The following IPPK variants were observed in gnomAD, a reference collection of about 807,000 sequenced individuals.
IPPK encodes IPK1 homolog.
A neutral mutation model predicts 64.6 loss-of-function variants in IPPK; 22 were observed. That is an observed-to-expected ratio of 0.34 (90% confidence interval 0.24 to 0.49). The LOEUF is 0.49. Ranked by LOEUF, IPPK falls within the 20% of genes least tolerant of loss-of-function variation. The pLI is 0.99. For synonymous variants in IPPK, 262 were observed against 247.2 expected, an observed-to-expected ratio of 1.06 and a Z score of -0.56; for missense variants, 532 against 630.7, an observed-to-expected ratio of 0.84 and a Z score of 1.68.
intron 8 of IPPK, among the ~76,000 whole-genome samples, chr9:92,639,044 TA>T (rs945833719): frequency 1.7e-4 from 26 of 152,016 alleles, no homozygotes; most frequent in South Asian, 1.0e-3. Context: ...TATTTCTTTT[TA>T]AAAAAAAATT....
intron 11 of IPPK, among the ~76,000 whole-genome samples, chr9:92,632,109 G>A (rs561358525): frequency 2.6e-5 from 4 of 152,302 alleles, no homozygotes; most frequent in East Asian, 3.9e-4. Context: ...TGTCTGACCC[G>A]CTGGAGGTCA....
intron 2 of IPPK, 132 bp downstream of exon 2, chr9:92,658,502 C>G (rs112451856): frequency 2.6e-6 from 2 of 777,054 alleles, no homozygotes; most frequent in African/African-American, 3.5e-5. Context: ...GATGGACACA[C>G]CACTTTCTGC....
intron 9 of IPPK, among the ~76,000 whole-genome samples, chr9:92,637,460 C>T (rs765846987): frequency 1.3e-5 from 2 of 152,224 alleles, no homozygotes; most frequent in Non-Finnish European, 1.5e-5. Context: ...TCACGGGCAG[C>T]GTCAGCTCAT....
At chr9:92,656,848 A>T (rs552905902) in intron 2 of IPPK, among the ~76,000 whole-genome samples, 1 of 152,134 alleles carries the variant, frequency 6.6e-6, no homozygotes, top group Non-Finnish European at 1.5e-5. Flanking sequence ...GCCCCTACAC[A>T]TGCCTTCCAA....
chr9:92,663,990 G>A (rs1852541684), intron 1 of IPPK, among the ~76,000 whole-genome samples: 1 of 152,226 alleles, frequency 6.6e-6, no homozygotes, highest in Admixed American at 6.5e-5. Flanking sequence ...TGACTCCCAG[G>A]CAGGGGCCAT....
intron 3 of IPPK, among the ~76,000 whole-genome samples, chr9:92,653,502 C>A (rs546803903): frequency 2.5e-4 from 38 of 152,244 alleles, no homozygotes; most frequent in Non-Finnish European, 4.1e-4. Flanking sequence ...AAACTTAGTA[C>A]AGAATTAGGT....
chr9:92,616,999 C>T (rs2131411050), intron 12 of IPPK: 1 of 152,406 alleles, frequency 6.6e-6, no homozygotes, highest in South Asian at 2.1e-4. Context: ...TCTGACGCTG[C>T]TCACCATGGC....
Position 92,619,559 on chromosome 9 carries a change from G to A in IPPK, c.1177C>T (p.Gln393Ter). 2 of 1,581,558 alleles carry A rather than the reference G, an allele frequency of 1.3e-6. No individual in the cohort carries two copies. The highest frequency in any genetic ancestry group is 1.7e-6 in the Non-Finnish European group (2 of 1,163,744). Residue 393 changes from glutamine to a stop codon, truncating the protein, a stop_gained, in exon 12 of 13, where the codon CAG becomes TAG. Transcript: ENST00000287996. LOFTEE classifies it high-confidence loss of function. ...TVAFALTKVQ[Q>*]YRVAMTAKDC... Reference sequence around the variant, plus strand: ...TTGGCAGTCATGGCGACGCGGTACTGCTGCACCTGCAGGGGCGGGAAAGAT... The same window carrying A: ...TTGGCAGTCATGGCGACGCGGTACTACTGCACCTGCAGGGGCGGGAAAGAT...
Position 92,648,045 on chromosome 9 carries a change from G to GCC in IPPK, c.504+13_504+14insGG. ...TGCAGCTAGAGTAGCCCACAGCTGG[G>GCC]CATTGGCTCTCACCTTGAGGTGCTG... is the stretch of plus-strand genomic sequence containing the variant. On this transcript the variant is annotated intron_variant, in intron 6 of 12. Coordinates refer to ENST00000287996, the MANE Select transcript of IPPK (RefSeq NM_022755.6). 1 of 1,599,770 alleles carries GCC rather than the reference G, an allele frequency of 6.3e-7. No individual in the cohort carries two copies. Among genetic ancestry groups the GCC allele is most frequent in the Admixed American group, 1.7e-5 (1 of 59,568 alleles).
At chr9:92,636,667 CAT>C (rs1287150176) in intron 9 of IPPK, among the ~76,000 whole-genome samples, 4 of 150,310 alleles carry the variant, frequency 2.7e-5, no homozygotes, top group South Asian at 4.2e-4. Flanking sequence ...AAAAAAAAAA[CAT>C]ATATGTGATG....
intron 11 of IPPK, among the ~76,000 whole-genome samples, chr9:92,621,705 C>T (rs371967946): frequency 6.6e-6 from 1 of 151,996 alleles, no homozygotes; most frequent in African/African-American, 2.4e-5. Context: ...TTATTAGAGA[C>T]GAGGTCTCGC....
intron 11 of IPPK, among the ~76,000 whole-genome samples, chr9:92,622,329 G>C (rs1327717245): frequency 6.6e-6 from 1 of 152,002 alleles, no homozygotes; most frequent in Non-Finnish European, 1.5e-5. Context: ...AGAAGTGAAA[G>C]GTATAAGGAT....
rs1203024063 is a variant in IPPK at position 92,652,374 on chromosome 9, G to A, written c.292+199C>T. 4.0e-5 allele frequency among the ~76,000 whole-genome samples: 6 copies of A among 151,298 alleles called. No homozygotes were observed. The East Asian group carries it at 5.8e-4, about 15-fold the overall frequency. On this transcript the variant is annotated intron_variant, in intron 4 of 12. Transcript: ENST00000287996. ...TGAGGCAGAAGAATGGTGTGAACCC[G>A]GGAGGTGGAGCTTGCAGTGAGCCGA...
intron 4 of IPPK, among the ~76,000 whole-genome samples, chr9:92,651,484 T>C (rs1587639090): frequency 6.6e-6 from 1 of 152,304 alleles, no homozygotes; most frequent in Middle Eastern, 3.4e-3. Context: ...CAGAAGGCCC[T>C]TGGATTCCCT....
chr9:92,641,757 C>CA (rs1157542762), intron 7 of IPPK, among the ~76,000 whole-genome samples: 3 of 152,182 alleles, frequency 2.0e-5, no homozygotes, highest in Admixed American at 2.0e-4. Context: ...GGCACGCACT[C>CA]AGAGGCAGTG....
chr9:92,662,411 A>G (rs112856044), intron 1 of IPPK, among the ~76,000 whole-genome samples: 11,658 of 152,086 alleles, frequency 0.077, 673 homozygotes, highest in Admixed American at 0.14. Context: ...CTGTAATCCT[A>G]GCTACTCGGG....
chr9:92,641,003 G>A (rs964387562), intron 7 of IPPK, among the ~76,000 whole-genome samples: 10 of 152,176 alleles, frequency 6.6e-5, no homozygotes, highest in South Asian at 2.1e-4. Context: ...AGCCTGACAC[G>A]CACTCACCAG....
chr9:92,629,859 C>T (rs554999446), intron 11 of IPPK, among the ~76,000 whole-genome samples: 17 of 152,190 alleles, frequency 1.1e-4, no homozygotes, highest in Admixed American at 2.0e-4. Context: ...CTCTCGACGA[C>T]GGCTAAAATC....
chr9:92,669,895 G>A lies in IPPK; in HGVS notation c.81+13C>T. The A allele has an allele frequency of 6.2e-7, 1 of 1,604,216 alleles. No individual in the cohort carries two copies. The highest frequency in any genetic ancestry group is 8.5e-7 in the Non-Finnish European group (1 of 1,172,780). ...GTGAGGTACCGGACCTGCGCCGCACGTCCACCGCTCACCTGCGCGTGGGCC... is the reference window on the plus strand; with the variant it reads ...GTGAGGTACCGGACCTGCGCCGCACATCCACCGCTCACCTGCGCGTGGGCC... On this transcript the variant is annotated intron_variant, in intron 1 of 12. Transcript: ENST00000287996.
Sources: allele counts gnomAD v4.1 joint callset (sites outside exome capture counted in the v4.1 genomes callset), GRCh38; gene constraint gnomAD v4.1.1; transcripts MANE v1.5; gene names NCBI Gene and HGNC (gene_info 2026-07-23, HGNC 2026-07-21).